PCDH7: variants seen among roughly 807,000 people sequenced by gnomAD.
PCDH7 encodes protocadherin 7.
In PCDH7, 17 loss-of-function variants were observed where a neutral mutation model predicts 58.9. That is an observed-to-expected ratio of 0.29 (90% CI 0.20 to 0.43). The LOEUF (loss-of-function observed/expected upper bound fraction) is 0.43, where lower values mean the gene tolerates loss of function less well. Ranked by LOEUF, PCDH7 falls within the 20% of genes least tolerant of loss-of-function variation. The pLI is 1.00. For missense variants in PCDH7, 1,274 were observed against 1,441.0 expected (o/e 0.88, Z 1.88); for synonymous variants, 664 against 616.4 (o/e 1.08, Z -1.14).
At chr4:31,069,872 A>ATTTGATGGTT (rs1256238099) in intron 3 of PCDH7, among the ~76,000 whole-genome samples, 35,668 of 151,254 alleles carry the variant, frequency 0.24, 4,446 homozygotes, top group South Asian at 0.33. Flanking sequence ...AATTTTCTCC[A>ATTTGATGGTT]CTTGATTCAT....
intron 1 of PCDH7, among the ~76,000 whole-genome samples, chr4:30,911,569 G>C (rs868469284): frequency 6.4e-4 from 97 of 152,230 alleles, no homozygotes; most frequent in Middle Eastern, 6.8e-3. Context: ...ACAATATAGA[G>C]GAACCACAAT....
At chr4:30,879,549 A>G (rs1294184654) in intron 1 of PCDH7, among the ~76,000 whole-genome samples, 1 of 152,088 alleles carries the variant, frequency 6.6e-6, no homozygotes, top group African/African-American at 2.4e-5. Flanking sequence ...GTCTGTCTGT[A>G]CTGAACCTAA....
chr4:31,018,194 G>A (rs7669124), intron 3 of PCDH7, among the ~76,000 whole-genome samples: 82,455 of 151,926 alleles, frequency 0.54, 26,126 homozygotes, highest in African/African-American at 0.87. Context: ...ATTCTGATAT[G>A]TTTAGTCTGA....
At chr4:30,787,806 A>G (rs1376640917) in intron 1 of PCDH7, among the ~76,000 whole-genome samples, 1 of 152,044 alleles carries the variant, frequency 6.6e-6, no homozygotes, top group African/African-American at 2.4e-5. Flanking sequence ...AGGAGGTAAA[A>G]TTTAATGATT....
chr4:31,052,579 C>A (rs761858267), intron 3 of PCDH7, among the ~76,000 whole-genome samples: 5 of 152,006 alleles, frequency 3.3e-5, no homozygotes, highest in Non-Finnish European at 5.9e-5. Context: ...GACACTGTCC[C>A]AAATAAAAAT....
chr4:30,919,594 A>C (rs1366870551), intron 1 of PCDH7, among the ~76,000 whole-genome samples: 1 of 152,160 alleles, frequency 6.6e-6, no homozygotes, highest in Non-Finnish European at 1.5e-5. Context: ...CATAGGCAAT[A>C]TTTTTATAGG....
intron 3 of PCDH7, among the ~76,000 whole-genome samples, chr4:31,039,774 G>A (rs540376515): frequency 2.6e-5 from 4 of 152,186 alleles, no homozygotes; most frequent in Admixed American, 2.0e-4. Flanking sequence ...AGTTCAAAAC[G>A]GAATGAAAAC....
intron 1 of PCDH7, among the ~76,000 whole-genome samples, chr4:30,826,241 C>A (rs1157167966): frequency 6.6e-6 from 1 of 152,054 alleles, no homozygotes; most frequent in Non-Finnish European, 1.5e-5. Flanking sequence ...TTACAAATTT[C>A]GTGAAAGGGA....
chr4:31,031,282 T>A (rs900826913), intron 3 of PCDH7, among the ~76,000 whole-genome samples: 1 of 152,202 alleles, frequency 6.6e-6, no homozygotes, highest in Non-Finnish European at 1.5e-5. Flanking sequence ...ACAACGGGGA[T>A]GCAACTGGCA....
In PCDH7 at chr4:31,111,969, T is replaced by C. The variant is rs571422735; in HGVS notation, c.*8-30504T>C. ...TTGTGATCCATCTCTAAAATGGGAA[T>C]CAAAAAATTGAATAAATTAATGAGT... On this transcript the variant is annotated intron_variant, in intron 3 of 3. Transcript: ENST00000509759. Among the ~76,000 whole-genome samples, 9 of 152,260 alleles carry C rather than the reference T, an allele frequency of 5.9e-5. 2 individuals are homozygous for C. Among genetic ancestry groups the C allele is most frequent in the African/African-American group, 2.2e-4 (9 of 41,566 alleles).
chr4:30,831,379 A>G (rs1033804132), intron 1 of PCDH7, among the ~76,000 whole-genome samples: 1 of 152,156 alleles, frequency 6.6e-6, no homozygotes, highest in Non-Finnish European at 1.5e-5. Flanking sequence ...CTTGGCCTTT[A>G]CTAGCTATGG....
chr4:31,087,205 G>A (rs367710494), intron 3 of PCDH7, among the ~76,000 whole-genome samples: 1 of 152,076 alleles, frequency 6.6e-6, no homozygotes, highest in Non-Finnish European at 1.5e-5. Context: ...ACATCAGTAC[G>A]TCAACTGCTA....
At chr4:30,857,624 A>C (rs1293075964) in intron 1 of PCDH7, among the ~76,000 whole-genome samples, 1 of 152,086 alleles carries the variant, frequency 6.6e-6, no homozygotes, top group Admixed American at 6.6e-5. Context: ...AGAGAATTGA[A>C]ACTCAGGTTG....
intron 3 of PCDH7, among the ~76,000 whole-genome samples, chr4:31,050,134 T>C (rs1333036840): frequency 6.6e-6 from 1 of 152,162 alleles, no homozygotes; most frequent in East Asian, 1.9e-4. Context: ...GTGTTCAGTC[T>C]ATACTTTGGC....
intron 3 of PCDH7, among the ~76,000 whole-genome samples, chr4:31,098,095 C>G (rs1001126011): frequency 1.3e-5 from 2 of 152,132 alleles, no homozygotes; most frequent in Non-Finnish European, 2.9e-5. Flanking sequence ...CTTGTTTATT[C>G]ACTCAGAGAA....
chr4:31,104,883 T>A (rs1490081879), intron 3 of PCDH7, among the ~76,000 whole-genome samples: 2 of 152,190 alleles, frequency 1.3e-5, no homozygotes, highest in Admixed American at 1.3e-4. Flanking sequence ...GTCAGATTTG[T>A]ATGCAAAGCT....
chr4:30,770,012 C>T (rs148479089), intron 1 of PCDH7, among the ~76,000 whole-genome samples: 9 of 152,208 alleles, frequency 5.9e-5, no homozygotes, highest in African/African-American at 1.4e-4. Flanking sequence ...TGGCCAATCC[C>T]GCAGGCTTTG....
intron 3 of PCDH7, among the ~76,000 whole-genome samples, chr4:31,089,836 T>A (rs1712993387): frequency 6.6e-6 from 1 of 152,076 alleles, no homozygotes; most frequent in African/African-American, 2.4e-5. Flanking sequence ...CAAGGAAAAA[T>A]CCGCAAAATC....
chr4:31,071,833 A>T (rs533942511), intron 3 of PCDH7, among the ~76,000 whole-genome samples: 1 of 152,056 alleles, frequency 6.6e-6, no homozygotes, highest in Non-Finnish European at 1.5e-5. Context: ...GTGTTAAGGA[A>T]ATTCTCTAAT....
Sources: gnomAD v4.1 joint callset for allele counts (sites outside exome capture counted in the v4.1 genomes callset) on GRCh38, gnomAD v4.1.1 for gene constraint, MANE v1.5 for transcripts, NCBI Gene and HGNC (gene_info 2026-07-23, HGNC 2026-07-21) for gene names.